JAZF1: variants seen among roughly 807,000 people sequenced by gnomAD.
JAZF1 encodes juxtaposed with another zinc finger protein 1.
Under a neutral mutation model 26.4 loss-of-function variants are expected in JAZF1, and 8 were observed. That is an observed-to-expected ratio of 0.30 (90% CI 0.18 to 0.55). The LOEUF (loss-of-function observed/expected upper bound fraction) is 0.55. JAZF1 is among the 20% of genes least tolerant of loss of function. The pLI, the probability that JAZF1 is intolerant of heterozygous loss-of-function variation, is 0.94. For missense variants in JAZF1, 199 were observed against 322.0 expected (o/e 0.62, Z 2.92); for synonymous variants, 126 against 122.3 (o/e 1.03, Z -0.20).
At chr7:27,891,638 G>GCAA (rs1783978174) in intron 3 of JAZF1, among the ~76,000 whole-genome samples, 1 of 151,378 alleles carries the variant, frequency 6.6e-6, no homozygotes, top group African/African-American at 2.5e-5. Flanking sequence ...ACCAGCCTGG[G>GCAA]CAACATAGCA....
chr7:27,900,058 C>T (rs1184555474), intron 2 of JAZF1, among the ~76,000 whole-genome samples: 2 of 152,110 alleles, frequency 1.3e-5, no homozygotes, highest in Non-Finnish European at 2.9e-5. Flanking sequence ...CTGGGCTCCC[C>T]GGTTGTGGCA....
intron 2 of JAZF1, among the ~76,000 whole-genome samples, chr7:27,988,920 TAAAA>T (rs57661404): frequency 7.2e-5 from 6 of 83,768 alleles, no homozygotes; most frequent in Non-Finnish European, 1.3e-4. Flanking sequence ...AGAATCTCTG[TAAAA>T]AAAAAAAAAA....
chr7:27,877,484 C>A (rs1376207104), intron 3 of JAZF1, among the ~76,000 whole-genome samples: 1 of 152,098 alleles, frequency 6.6e-6, no homozygotes, highest in Non-Finnish European at 1.5e-5. Context: ...TCAGGTTTTA[C>A]AGGGCCAATA....
chr7:28,157,361 T>C (rs759171855), intron 1 of JAZF1, among the ~76,000 whole-genome samples: 2 of 152,244 alleles, frequency 1.3e-5, no homozygotes, highest in Non-Finnish European at 2.9e-5. Context: ...GTGGGCCCTA[T>C]CAGCTCTATC....
chr7:28,161,711 A>G (rs1238981018), intron 1 of JAZF1, among the ~76,000 whole-genome samples: 3 of 152,138 alleles, frequency 2.0e-5, no homozygotes, highest in African/African-American at 7.2e-5. Context: ...CAATGAACCC[A>G]CTGCTTTCCC....
intron 1 of JAZF1, among the ~76,000 whole-genome samples, chr7:28,002,459 A>T (rs998671013): frequency 6.6e-6 from 1 of 152,220 alleles, no homozygotes; most frequent in African/African-American, 2.4e-5. Context: ...AACTGCCTCA[A>T]TTCAATCCTA....
At chr7:28,096,119 A>G (rs1297892412) in intron 1 of JAZF1, among the ~76,000 whole-genome samples, 2 of 152,232 alleles carry the variant, frequency 1.3e-5, no homozygotes, top group Admixed American at 6.5e-5. Context: ...GACAGAAGAC[A>G]CTAAAAGGGA....
intron 3 of JAZF1, among the ~76,000 whole-genome samples, chr7:27,865,362 C>A (rs991443121): frequency 1.3e-5 from 2 of 152,100 alleles, no homozygotes; most frequent in Non-Finnish European, 2.9e-5. Context: ...CAGAGTGAGA[C>A]CCTGTCTCCA....
intron 2 of JAZF1, among the ~76,000 whole-genome samples, chr7:27,920,314 G>A (rs1026585211): frequency 2.0e-5 from 3 of 152,128 alleles, no homozygotes; most frequent in Admixed American, 2.0e-4. Flanking sequence ...GATATCTCAA[G>A]GGAGTCTTTA....
chr7:27,872,063 C>T (rs1783592712), intron 3 of JAZF1, among the ~76,000 whole-genome samples: 1 of 152,190 alleles, frequency 6.6e-6, no homozygotes, highest in Non-Finnish European at 1.5e-5. Flanking sequence ...CCCATAGTCT[C>T]TGGAAGTCAT....
intron 1 of JAZF1, among the ~76,000 whole-genome samples, chr7:28,161,789 C>T (rs866207464): frequency 6.6e-6 from 1 of 152,140 alleles, no homozygotes; most frequent in Admixed American, 6.5e-5. Context: ...ATCCTTTATT[C>T]CCCAAGAATC....
At chr7:28,139,408 T>G (rs1782930949) in intron 1 of JAZF1, among the ~76,000 whole-genome samples, 1 of 152,202 alleles carries the variant, frequency 6.6e-6, no homozygotes, top group African/African-American at 2.4e-5. Flanking sequence ...TATAATTAGT[T>G]AAGATGAGTC....
chr7:27,993,282 C>T (rs184159320), intron 1 of JAZF1, among the ~76,000 whole-genome samples: 34 of 152,242 alleles, frequency 2.2e-4, no homozygotes, highest in South Asian at 4.2e-4. Flanking sequence ...TCCATCAAGT[C>T]GGGTCTGAAG....
chr7:27,998,025 AGAAG>A (rs199643152), intron 1 of JAZF1, among the ~76,000 whole-genome samples: 5,417 of 111,138 alleles, frequency 0.049, 423 homozygotes, highest in East Asian at 0.31. Flanking sequence ...AATGGGGGGA[AGAAG>A]GAAGGAAGGA....
rs138018427 is a variant in JAZF1, at chr7:28,100,921, A to G, written c.115+79542T>C. Among the ~76,000 whole-genome samples, 28 of 152,308 alleles carry G rather than the reference A, an allele frequency of 1.8e-4. 1 individual carries two copies. Among genetic ancestry groups the G allele is most frequent in the Admixed American group, 8.5e-4 (13 of 15,304 alleles). ...GTTAAAAACTGGAAAAAACAAAACA[A>G]AACTTTAGGCAGCACTCATCCACTC... On this transcript the variant is annotated intron_variant, in intron 1 of 4. Coordinates refer to ENST00000283928, the MANE Select transcript of JAZF1 (RefSeq NM_175061.4).
intron 1 of JAZF1, among the ~76,000 whole-genome samples, chr7:28,129,168 C>A (rs148357449): frequency 6.6e-6 from 1 of 152,064 alleles, no homozygotes; most frequent in Admixed American, 6.5e-5. Flanking sequence ...GAATACCCCC[C>A]AAACTCCCTC....
At chr7:27,968,190 T>C (rs926679717) in intron 2 of JAZF1, among the ~76,000 whole-genome samples, 1 of 152,148 alleles carries the variant, frequency 6.6e-6, no homozygotes, top group Non-Finnish European at 1.5e-5. Flanking sequence ...TCAGACACAA[T>C]TAAATGAAAG....
intron 3 of JAZF1, among the ~76,000 whole-genome samples, chr7:27,882,233 T>TC (rs954081536): frequency 2.6e-5 from 4 of 151,634 alleles, no homozygotes; most frequent in African/African-American, 9.7e-5. Context: ...TATACAGTTG[T>TC]CCCCCAACCA....
intron 2 of JAZF1, among the ~76,000 whole-genome samples, chr7:27,898,069 C>G (rs183286979): frequency 7.5e-4 from 114 of 152,190 alleles, no homozygotes; most frequent in African/African-American, 2.7e-3. Context: ...CGTTATGTCT[C>G]TATATTTTGT....
Sources: allele counts gnomAD v4.1 joint callset (sites outside exome capture counted in the v4.1 genomes callset), GRCh38; gene constraint gnomAD v4.1.1; transcripts MANE v1.5; gene names NCBI Gene and HGNC (gene_info 2026-07-23, HGNC 2026-07-21).